PPARA: variants seen among roughly 807,000 people sequenced by gnomAD.
PPARA encodes the protein peroxisome proliferator-activated receptor alpha.
PPARA carries 22 observed loss-of-function variants against 42.2 expected under a neutral mutation model. The ratio of observed to expected loss-of-function variants is 0.52; its 90% CI spans 0.37 to 0.74. The LOEUF is 0.74. Among genes scored for constraint, PPARA ranks in the 30% least tolerant of loss-of-function variants. The probability of loss-of-function intolerance (pLI) is 0.00; values close to 1 mark genes in which losing one functional copy is unlikely to be tolerated. For synonymous variants in PPARA, 242 were observed against 239.3 expected, an observed-to-expected ratio of 1.01 and a Z score of -0.10; for missense variants, 465 against 608.2, an observed-to-expected ratio of 0.76 and a Z score of 2.48.
chr22:46,174,167 ACT>A (rs1928559943), intron 2 of PPARA, among the ~76,000 whole-genome samples: 1 of 145,450 alleles, frequency 6.9e-6, no homozygotes, highest in Non-Finnish European at 1.5e-5. Context: ...ACAGAGCAAG[ACT>A]CTGTCTTGAA....
intron 4 of PPARA, 70 bp downstream of exon 4, chr22:46,198,661 T>C (rs886825581): frequency 3.2e-5 from 32 of 999,672 alleles, no homozygotes; most frequent in African/African-American, 8.7e-5. Context: ...GTTCTCTCTT[T>C]TTTTTTTTTT....
chr22:46,217,819 C>CTTTTTTTTTTTTT lies in PPARA; in HGVS notation c.370-427_370-415dup, dbSNP rs60894989. Among the ~76,000 whole-genome samples, 90 of 77,056 alleles carry CTTTTTTTTTTTTT rather than the reference C, an allele frequency of 1.2e-3. 10 individuals carry two copies. Among genetic ancestry groups the CTTTTTTTTTTTTT allele is most frequent in the African/African-American group, 5.3e-3 (86 of 16,190 alleles). 50.6% of individuals were successfully genotyped at this position (77,056 alleles called of 152,430 possible). A position where few individuals can be genotyped will look rare whatever the true frequency, so the allele number is the denominator to read the frequency against. ...GACTTCTTAGAAGAACTATTTCTTT[C>CTTTTTTTTTTTTT]TTTTTTTTTTTTTTTTTTTTTTTTT... On this transcript the variant is annotated intron_variant, in intron 5 of 8. Transcript: ENST00000407236.
rs766182953 is a variant in PPARA, at chr22:46,198,446, C to T, written c.63C>T (p.Ser21=). ...CACTCGAGGCCGGCGATCTAGAGAG[C>T]CCGTTATCTGAAGAGTTCCTGCAAG... ...LSPLEAGDLE[S]PLSEEFLQEM... The change falls in exon 4 of 9, where the codon AGC becomes AGT. Residue 21 remains serine, a synonymous_variant. Transcript: ENST00000407236. 5.3e-5 allele frequency: 86 copies of T among 1,613,742 alleles called. No homozygotes were observed. Among genetic ancestry groups the T allele is most frequent in the Non-Finnish European group, 6.9e-5 (81 of 1,179,928 alleles).
intron 2 of PPARA, among the ~76,000 whole-genome samples, chr22:46,172,060 G>A (rs866196428): frequency 3.9e-5 from 6 of 152,102 alleles, no homozygotes; most frequent in African/African-American, 1.2e-4. Flanking sequence ...CTGAGCAGCC[G>A]TGTCGCCTTG....
rs1300124539 is a variant in PPARA at position 46,224,187 on chromosome 22, A to G, written c.711+4173A>G. ...CCAAGCCAGGGTTGCGTCCCACCCC[A>G]TGTCCTTGTCTGCGCACGGGACGCT... On this transcript the variant is annotated intron_variant, in intron 7 of 8. Coordinates refer to ENST00000407236, the MANE Select transcript of PPARA (RefSeq NM_005036.6). The surrounding 1 kb of genome is among the most constrained non-coding windows in gnomAD (Gnocchi z 5.7). Among the ~76,000 whole-genome samples the G allele has an allele frequency of 6.6e-6, 1 of 152,122 alleles. No individual in the cohort carries two copies. The highest frequency in any genetic ancestry group is 1.5e-5 in the Non-Finnish European group (1 of 68,014).
rs1010899248 is a variant in PPARA, at chr22:46,160,070, G to A, written c.-127+8100G>A. ...AAAACCACAGTCTTGAACCGCCAGCGAAGGGCTGGGAAGTGCGGATCCAGG... is the reference window on the plus strand; with the variant it reads ...AAAACCACAGTCTTGAACCGCCAGCAAAGGGCTGGGAAGTGCGGATCCAGG... On this transcript the variant is annotated intron_variant, in intron 2 of 8. Coordinates refer to ENST00000407236, the MANE Select transcript of PPARA (RefSeq NM_005036.6). The surrounding 1 kb of genome is among the most constrained non-coding windows in gnomAD (Gnocchi z 4.5). Among the ~76,000 whole-genome samples the A allele has an allele frequency of 2.0e-5, 3 of 152,350 alleles. No individual in the cohort carries two copies. The highest frequency in any genetic ancestry group is 1.9e-4 in the East Asian group (1 of 5,180).
At chr22:46,215,523 A>AG (rs1247575642) in intron 5 of PPARA, among the ~76,000 whole-genome samples, 190 bp downstream of exon 5, 2 of 152,162 alleles carry the variant, frequency 1.3e-5, no homozygotes, top group African/African-American at 2.4e-5. Context: ...GGATCACCTG[A>AG]GATCAGGAGT....
Position 46,192,466 on chromosome 22 carries a change from T to C in PPARA, c.-42-5876T>C, listed in dbSNP as rs1457875467. Among the ~76,000 whole-genome samples the C allele has an allele frequency of 6.6e-6, 1 of 152,252 alleles. No individual in the cohort carries two copies. The highest frequency in any genetic ancestry group is 2.4e-5 in the African/African-American group (1 of 41,462). ...GGGTAACATAAAACAGTGATATAAT[T>C]TGATGTCTACTTCCTCTTGTATTTG... On this transcript the variant is annotated intron_variant, in intron 3 of 8. Transcript: ENST00000407236. This position sits in a 1 kb window ranked among gnomAD's most constrained non-coding sequence, Gnocchi z 4.3.
chr22:46,230,931 T>A lies in PPARA; in HGVS notation c.712-861T>A. ...CATATACTGGTAAAATTAAGAATGA[T>A]CGTAATTAAGCCTCTTGCAATAGTC... On this transcript the variant is annotated intron_variant, in intron 7 of 8. Coordinates refer to ENST00000407236, the MANE Select transcript of PPARA (RefSeq NM_005036.6). This position sits in a 1 kb window ranked among gnomAD's most constrained non-coding sequence, Gnocchi z 5.0. Among the ~76,000 whole-genome samples the A allele has an allele frequency of 6.6e-6, 1 of 152,240 alleles. No homozygotes were observed. Among genetic ancestry groups the A allele is most frequent in the Non-Finnish European group, 1.5e-5 (1 of 68,034 alleles).
At chr22:46,197,845 A>C (rs529672644) in intron 3 of PPARA, among the ~76,000 whole-genome samples, 11 of 152,060 alleles carry the variant, frequency 7.2e-5, no homozygotes, top group African/African-American at 2.4e-4. Flanking sequence ...TGGAGGTTGC[A>C]GTGAGCTGAG....
rs1932255870 is a variant in PPARA, at chr22:46,196,593, C to T, written c.-42-1749C>T. Reference sequence around the variant, plus strand: ...CCTCATTCCCTGAGGTTATCTCCTGCCCCCTAATCAGTGAGGCCTTCCCTG... The same window carrying T: ...CCTCATTCCCTGAGGTTATCTCCTGTCCCCTAATCAGTGAGGCCTTCCCTG... On this transcript the variant is annotated intron_variant, in intron 3 of 8. Transcript: ENST00000407236. The surrounding 1 kb of genome is among the most constrained non-coding windows in gnomAD (Gnocchi z 5.6). 6.6e-6 allele frequency among the ~76,000 whole-genome samples: 1 copy of T among 152,192 alleles called. No homozygotes were observed. The highest frequency in any genetic ancestry group is 1.5e-5 in the Non-Finnish European group (1 of 68,032).
intron 2 of PPARA, among the ~76,000 whole-genome samples, chr22:46,158,681 T>C (rs1250183961): frequency 1.3e-5 from 2 of 152,136 alleles, no homozygotes; most frequent in African/African-American, 2.4e-5. Context: ...ATGGAAGAAA[T>C]GGTAATAGGG....
rs949292913 is a variant in PPARA, at chr22:46,193,893, TC to T, written c.-42-4442del. On this transcript the variant is annotated intron_variant, in intron 3 of 8. Coordinates refer to ENST00000407236, the MANE Select transcript of PPARA (RefSeq NM_005036.6). The surrounding 1 kb of genome is among the most constrained non-coding windows in gnomAD (Gnocchi z 5.3). ...AAAGGGATGGTTGGTTATGCCTTGA[TC>T]CCCCCCAGAGCATTTGGGGCATAGG... Among the ~76,000 whole-genome samples the T allele has an allele frequency of 1.3e-5, 2 of 151,932 alleles. No homozygotes were observed. Among genetic ancestry groups the T allele is most frequent in the Non-Finnish European group, 1.5e-5 (1 of 67,950 alleles).
At chr22:46,174,976 A>G (rs1210177467) in intron 2 of PPARA, among the ~76,000 whole-genome samples, 1 of 151,726 alleles carries the variant, frequency 6.6e-6, no homozygotes, top group African/African-American at 2.4e-5. Context: ...TACTGGTGCA[A>G]TCTCAGGTGA....
At chr22:46,217,462 G>C (rs1212224478) in intron 5 of PPARA, among the ~76,000 whole-genome samples, 1 of 152,036 alleles carries the variant, frequency 6.6e-6, no homozygotes, top group Non-Finnish European at 1.5e-5. Flanking sequence ...TTTCTTGCTG[G>C]GTAGAGTTTA....
At chr22:46,175,638 C>T (rs142048644) in intron 2 of PPARA, among the ~76,000 whole-genome samples, 51 of 151,520 alleles carry the variant, frequency 3.4e-4, no homozygotes, top group East Asian at 1.8e-3. Flanking sequence ...GGTGTGGACC[C>T]GGGAGACGGA....
chr22:46,153,931 C>T (rs1324233452), intron 2 of PPARA, among the ~76,000 whole-genome samples: 1 of 152,072 alleles, frequency 6.6e-6, no homozygotes, highest in Non-Finnish European at 1.5e-5. Flanking sequence ...CTTCTTTATA[C>T]ACTATTTTGT....
At chr22:46,186,778 C>T (rs892704707) in intron 3 of PPARA, among the ~76,000 whole-genome samples, 2 of 151,890 alleles carry the variant, frequency 1.3e-5, no homozygotes, top group African/African-American at 2.4e-5. Flanking sequence ...AGTGCTCCCC[C>T]CCTTATCCAA....
Position 46,161,117 on chromosome 22 carries a change from A to G in PPARA, c.-127+9147A>G, listed in dbSNP as rs748934501. ...AAGAACCCAGAGGGAAAATATGGCC[A>G]TGGACTCAGAGAAAACCACGGCAGC... On this transcript the variant is annotated intron_variant, in intron 2 of 8. Transcript: ENST00000407236. The surrounding 1 kb of genome is among the most constrained non-coding windows in gnomAD (Gnocchi z 4.8). Among the ~76,000 whole-genome samples, 8 of 152,240 alleles carry G rather than the reference A, an allele frequency of 5.3e-5. No homozygotes were observed. The highest frequency in any genetic ancestry group is 1.0e-4 in the Non-Finnish European group (7 of 68,040).
Sources: allele counts gnomAD v4.1 joint callset (sites outside exome capture counted in the v4.1 genomes callset), GRCh38; gene constraint gnomAD v4.1.1; non-coding constraint Gnocchi (gnomAD v3.1); transcripts MANE v1.5; gene names NCBI Gene and HGNC (gene_info 2026-07-23, HGNC 2026-07-21).